Variants in STRC observed in about 807,000 individuals in gnomAD.
STRC encodes stereocilin.
Under a neutral mutation model 103.5 loss-of-function variants are expected in STRC, and 43 were observed. That is an observed-to-expected ratio of 0.42 (90% CI 0.33 to 0.54). The LOEUF (loss-of-function observed/expected upper bound fraction) is 0.54, where lower values mean the gene tolerates loss of function less well. Among genes scored for constraint, STRC ranks in the 20% least tolerant of loss-of-function variants. STRC has a pLI of 0.14. For missense variants in STRC, 499 were observed against 1,088.5 expected, an observed-to-expected ratio of 0.46 and a Z score of 7.62; for synonymous variants, 186 against 442.3, an observed-to-expected ratio of 0.42 and a Z score of 7.27.
chr15:43,605,365 T>C lies in STRC; in HGVS notation c.3829A>G (p.Ile1277Val), dbSNP rs1280900249. Reference sequence around the variant, plus strand: ...TGCACCAGCTCCACCACCAACATAATGGATTCATTGGATAGTCTGTCCATC... The same window carrying C: ...TGCACCAGCTCCACCACCAACATAACGGATTCATTGGATAGTCTGTCCATC... ...QLMDRLSNES[I>V]MLVVELVQRA... is the part of the protein sequence containing the mutation. Residue 1277 changes from isoleucine (I) to valine (V), a missense_variant, in exon 19 of 29, where the codon ATT becomes GTT. Transcript: ENST00000450892. 6.4e-5 allele frequency: 102 copies of C among 1,599,354 alleles called. 1 individual carries two copies. The highest frequency in any genetic ancestry group is 8.4e-5 in the Non-Finnish European group (98 of 1,171,824).
At chr15:43,610,881 A>G (rs1780330912) in intron 14 of STRC, 38 bp downstream of exon 14, 1 of 1,607,818 alleles carries the variant, frequency 6.2e-7, no homozygotes, top group African/African-American at 1.3e-5. Context: ...CTGCCCCAGA[A>G]TGGGGAGAGG....
rs758218528 is a variant in STRC, at chr15:43,604,115, T to G, written c.4256A>C (p.Glu1419Ala). The G allele has an allele frequency of 1.2e-6, 2 of 1,612,246 alleles. No homozygotes were observed. The highest frequency in any genetic ancestry group is 2.2e-5 in the South Asian group (2 of 90,792). Residue 1419 changes from glutamate (E) to alanine (A), a missense_variant, in exon 22 of 29, where the codon GAA becomes GCA. Coordinates refer to ENST00000450892, the MANE Select transcript of STRC (RefSeq NM_153700.2). ...GCTCTGCTCCCAGCTCTGCTGCTTT[T>G]CTAGAAGCCGCTCCAGGGTCTCTGG... Reference protein sequence around the residue: ...LGPETLERLLEKQQSWEQSRV... With the variant: ...LGPETLERLLAKQQSWEQSRV...
intron 20 of STRC, 75 bp downstream of exon 20, chr15:43,604,575 G>T: frequency 6.2e-7 from 1 of 1,611,834 alleles, no homozygotes; most frequent in Non-Finnish European, 8.5e-7. Context: ...ATATGGAACA[G>T]GCTGCCACTG....
chr15:43,600,891 T>C lies in STRC; in HGVS notation c.4825A>G (p.Ile1609Val). The change falls in exon 25 of 29, where the codon ATC (isoleucine) becomes GTC (valine). Residue 1609 changes from isoleucine (I) to valine (V), a missense_variant. By Grantham distance (29) the Ile-to-Val change is conservative. Coordinates refer to ENST00000450892, the MANE Select transcript of STRC (RefSeq NM_153700.2). ...CGLRPEELQH[I>V]SSWEFSQAAL... Reference sequence around the variant, plus strand: ...AATGACCTGAACTCCCAACTGCTGATGTGCTGGAGCTCCTCTGGCCGCAGT... The same window carrying C: ...AATGACCTGAACTCCCAACTGCTGACGTGCTGGAGCTCCTCTGGCCGCAGT... The C allele has an allele frequency of 6.2e-7, 1 of 1,612,872 alleles. No homozygotes were observed. Among genetic ancestry groups the C allele is most frequent in the Non-Finnish European group, 8.5e-7 (1 of 1,179,660 alleles).
In STRC at chr15:43,604,654, G is replaced by T; in HGVS notation, c.4123C>A (p.Leu1375Ile). The T allele has an allele frequency of 6.2e-7, 1 of 1,613,614 alleles. No homozygotes were observed. Residue 1375 changes from leucine to isoleucine, a missense_variant, in exon 20 of 29, where the codon CTT becomes ATT. Leu to Ile is a conservative substitution (Grantham distance 5, BLOSUM62 2). Coordinates refer to ENST00000450892, the MANE Select transcript of STRC (RefSeq NM_153700.2). ...LGWLLLQESV[L>I]GKPELWSQDE... ...GAAGTTCTCGAAGGTCCATACCCAA[G>T]AACAGACTCCTGCAATAGCAGCCAT...
intron 18 of STRC, among the ~76,000 whole-genome samples, chr15:43,607,514 AC>A (rs2085719344): frequency 6.7e-6 from 1 of 149,254 alleles, no homozygotes; most frequent in African/African-American, 2.5e-5. Context: ...TGCACTAAGA[AC>A]ACAGTGCCCT....
chr15:43,601,328 G>C (rs1394778995), intron 24 of STRC, 68 bp downstream of exon 24: 2 of 1,605,726 alleles, frequency 1.2e-6, no homozygotes, highest in Admixed American at 1.7e-5. Flanking sequence ...TTGGGCTTTA[G>C]ATGATCTATA....
chr15:43,602,807 G>A (rs2085681423), intron 23 of STRC, among the ~76,000 whole-genome samples: 1 of 151,398 alleles, frequency 6.6e-6, no homozygotes, highest in African/African-American at 2.4e-5. Flanking sequence ...ACCATGCCCG[G>A]CTAACTTTTT....
intron 18 of STRC, among the ~76,000 whole-genome samples, chr15:43,605,611 T>TAAAAAAAAAA (rs59946403): frequency 7.8e-6 from 1 of 128,260 alleles, no homozygotes; most frequent in African/African-American, 3.0e-5. Context: ...CTAGTCTTCC[T>TAAAAAAAAAA]AAAAAAAAAA....
chr15:43,601,455 G>A lies in STRC; in HGVS notation c.4642C>T (p.Leu1548=). The A allele has an allele frequency of 6.2e-7, 1 of 1,613,756 alleles. No homozygotes were observed. The highest frequency in any genetic ancestry group is 8.5e-7 in the Non-Finnish European group (1 of 1,179,838). ...GTGCTCAGCACTCCCCAGTCCACTAGGATCAGCTCCTGTAGTTCCCGATCT... is the reference window on the plus strand; with the variant it reads ...GTGCTCAGCACTCCCCAGTCCACTAAGATCAGCTCCTGTAGTTCCCGATCT... ...LGDRELQELI[L]VDWGVLSTLG... Residue 1548 remains leucine (L), a synonymous_variant, in exon 24 of 29, where the codon CTA becomes TTA. Transcript: ENST00000450892.
chr15:43,604,217 T>A, intron 21 of STRC, 65 bp from the exon 22 acceptor site: 1 of 1,605,382 alleles, frequency 6.2e-7, no homozygotes, highest in Non-Finnish European at 8.5e-7. Context: ...GCTATAGCTC[T>A]AAGTCCAAAG....
At chr15:43,606,779 C>A (rs1480670759) in intron 18 of STRC, among the ~76,000 whole-genome samples, 1 of 119,458 alleles carries the variant, frequency 8.4e-6, no homozygotes, top group African/African-American at 3.2e-5. Context: ...GTGGGCAGAT[C>A]ACTTGAAGCC....
chr15:43,611,280 C>T lies in STRC; in HGVS notation c.3174G>A (p.Leu1058=). 1 of 636,826 alleles carries T rather than the reference C, an allele frequency of 1.6e-6. No individual in the cohort carries two copies. Among genetic ancestry groups the T allele is most frequent in the Non-Finnish European group, 2.7e-6 (1 of 370,900 alleles). The allele number at this position is 636,826 out of a possible 1,614,324, so 39.4% of individuals were successfully genotyped here. A position where few individuals can be genotyped will look rare whatever the true frequency, so the allele number is the denominator to read the frequency against. ...GTGTCTGGGGGCTGAGGCCTGGTAG[C>T]AGAAGGTGCAAGGAGCAGAGTTCCT... ...SLEELCSLHL[L]LPGLSPQTLQ... is the part of the protein sequence containing the mutation. Residue 1058 remains leucine (L), a synonymous_variant, in exon 13 of 29, where the codon CTG becomes CTA. Transcript: ENST00000450892.
At chr15:43,603,704 T>A (rs1235969332) in intron 22 of STRC, 2 of 649,676 alleles carry the variant, frequency 3.1e-6, no homozygotes, top group Non-Finnish European at 5.1e-6. Context: ...CTTCAAAGCT[T>A]CTAGGGATCT....
chr15:43,604,765 G>T lies in STRC; in HGVS notation c.4012C>A (p.Arg1338=). 1 of 1,613,516 alleles carries T rather than the reference G, an allele frequency of 6.2e-7. No individual in the cohort carries two copies. Among genetic ancestry groups the T allele is most frequent in the Non-Finnish European group, 8.5e-7 (1 of 1,179,682 alleles). Residue 1338 remains arginine, a synonymous_variant, in exon 20 of 29, where the codon CGA becomes AGA. Coordinates refer to ENST00000450892, the MANE Select transcript of STRC (RefSeq NM_153700.2). Reference sequence around the variant, plus strand: ...AGCAGGATCTGTAGGGGGATCTGTCGTGTGCTCTCTGTCCCCAGGAATCCA... The same window carrying T: ...AGCAGGATCTGTAGGGGGATCTGTCTTGTGCTCTCTGTCCCCAGGAATCCA... ...LVGFLGTEST[R]QIPLQILLSH...
intron 23 of STRC, among the ~76,000 whole-genome samples, chr15:43,601,896 G>T (rs564117673): frequency 5.3e-5 from 8 of 151,620 alleles, no homozygotes; most frequent in African/African-American, 1.7e-4. Context: ...GAGGTGGGAG[G>T]ATTGCTTGAG....
At chr15:43,601,769 C>T in intron 23 of STRC, 1 of 559,928 alleles carries the variant, frequency 1.8e-6, no homozygotes, top group South Asian at 2.0e-5. Flanking sequence ...AGCAAACTAA[C>T]TCTAGTCCAT....
In STRC at chr15:43,603,347, A is replaced by C. The variant is rs779178676; in HGVS notation, c.4440T>G (p.Ile1480Met). ...TFPAAWSATQ[I>M]AEMELSDFED... ...CAAAGTCTGAGAGCTCCATCTCTGC[A>C]ATCTGGGTTGCAGACCAGGCTGCTG... The change falls in exon 23 of 29, where the codon ATT becomes ATG. Residue 1480 changes from isoleucine to methionine, a missense_variant. Transcript: ENST00000450892. 3.7e-6 allele frequency: 6 copies of C among 1,613,804 alleles called. No homozygotes were observed. Among genetic ancestry groups the C allele is most frequent in the Non-Finnish European group, 5.1e-6 (6 of 1,179,866 alleles).
chr15:43,604,183 G>A (rs1172615719), intron 21 of STRC, 31 bp from the exon 22 acceptor site: 1 of 1,607,326 alleles, frequency 6.2e-7, no homozygotes, highest in East Asian at 2.2e-5. Context: ...AGAGTGGGGA[G>A]ATCTGGACAG....
Sources: allele counts gnomAD v4.1 joint callset (sites outside exome capture counted in the v4.1 genomes callset), GRCh38; gene constraint gnomAD v4.1.1; transcripts MANE v1.5; gene names NCBI Gene and HGNC (gene_info 2026-07-23, HGNC 2026-07-21).